TACR1: variants seen among roughly 807,000 people sequenced by gnomAD.
TACR1 encodes the protein tachykinin receptor 1, also known as substance-P receptor.
Under a neutral mutation model 35.8 loss-of-function variants are expected in TACR1, and 25 were observed. The ratio of observed to expected loss-of-function variants is 0.70; its 90% CI spans 0.51 to 0.98. TACR1 has a LOEUF of 0.98. Ranked by LOEUF, TACR1 falls within the 50% of genes least tolerant of loss-of-function variation. TACR1 has a pLI of 0.00. For missense variants in TACR1, 478 were observed against 522.9 expected (o/e 0.91, Z 0.84); for synonymous variants, 195 against 206.7 (o/e 0.94, Z 0.48).
intron 1 of TACR1, among the ~76,000 whole-genome samples, chr2:75,167,327 A>G (rs944309300): frequency 5.3e-5 from 8 of 152,236 alleles, no homozygotes; most frequent in Non-Finnish European, 5.9e-5. Context: ...AATGGGCCCA[A>G]TAGATCAGAA....
chr2:75,146,080 A>G (rs1674504901), intron 1 of TACR1, among the ~76,000 whole-genome samples: 1 of 152,210 alleles, frequency 6.6e-6, no homozygotes, highest in Non-Finnish European at 1.5e-5. Flanking sequence ...TATAAGACAT[A>G]GGAGGAAGGC....
rs527721289 is a variant in TACR1 at position 75,158,909 on chromosome 2, C to T, written c.390-38141G>A. 5.3e-5 allele frequency among the ~76,000 whole-genome samples: 8 copies of T among 152,292 alleles called. No individual in the cohort carries two copies. The South Asian group carries it at 1.2e-3, about 24-fold the overall frequency. ...AGCTTCCAGCAAGTTATCTCAACCT[C>T]GAGCATCTGCTTCTTCATCTGTAAA... On this transcript the variant is annotated intron_variant, in intron 1 of 4. Coordinates refer to ENST00000305249, the MANE Select transcript of TACR1 (RefSeq NM_001058.4).
At chr2:75,158,522 G>A (rs3771841) in intron 1 of TACR1, among the ~76,000 whole-genome samples, 16,511 of 152,216 alleles carry the variant, frequency 0.11, 1,131 homozygotes, top group Admixed American at 0.21. Flanking sequence ...CTCAGGCAAA[G>A]TTCTAACCTT....
chr2:75,065,751 A>G (rs1460751494), intron 2 of TACR1, among the ~76,000 whole-genome samples: 1 of 152,226 alleles, frequency 6.6e-6, no homozygotes. Flanking sequence ...AATTGGTGCC[A>G]ACGGATATGA....
At chr2:75,059,099 G>A (rs987088367) in intron 2 of TACR1, among the ~76,000 whole-genome samples, 11 of 152,150 alleles carry the variant, frequency 7.2e-5, no homozygotes, top group Admixed American at 2.6e-4. Flanking sequence ...TTGTTTCGGG[G>A]TGGGTGGGTA....
chr2:75,190,345 G>A (rs1675812124), intron 1 of TACR1, among the ~76,000 whole-genome samples: 1 of 152,202 alleles, frequency 6.6e-6, no homozygotes, highest in South Asian at 2.1e-4. Context: ...CCAAATGATG[G>A]ACTACTGGTA....
At chr2:75,128,522 T>C (rs1018434116) in intron 1 of TACR1, among the ~76,000 whole-genome samples, 10 of 152,308 alleles carry the variant, frequency 6.6e-5, no homozygotes, top group South Asian at 2.1e-4. Context: ...ACAGTAAGCA[T>C]TGGGAATGAG....
At chr2:75,137,752 A>G (rs1301935074) in intron 1 of TACR1, among the ~76,000 whole-genome samples, 3 of 151,106 alleles carry the variant, frequency 2.0e-5, no homozygotes, top group African/African-American at 4.9e-5. Flanking sequence ...AAAAAAAAAA[A>G]AAAAGAAAAA....
At chr2:75,122,712 AT>A (rs1228266208) in intron 1 of TACR1, among the ~76,000 whole-genome samples, 1 of 152,230 alleles carries the variant, frequency 6.6e-6, no homozygotes. Context: ...TGTTGATACT[AT>A]AAAGCCTATC....
chr2:75,174,521 G>A (rs1353171166), intron 1 of TACR1, among the ~76,000 whole-genome samples: 1 of 152,162 alleles, frequency 6.6e-6, no homozygotes, highest in African/African-American at 2.4e-5. Context: ...AAAATGGTGT[G>A]CAAAGTAAAA....
intron 1 of TACR1, among the ~76,000 whole-genome samples, chr2:75,125,906 A>G (rs1409010020): frequency 6.6e-6 from 1 of 152,108 alleles, no homozygotes; most frequent in African/African-American, 2.4e-5. Context: ...ACTGTGCAGG[A>G]TTCAGTCTTT....
At chr2:75,129,156 T>C (rs1004585673) in intron 1 of TACR1, among the ~76,000 whole-genome samples, 4 of 152,210 alleles carry the variant, frequency 2.6e-5, no homozygotes, top group Admixed American at 6.5e-5. Flanking sequence ...GAAAGGGGAA[T>C]TGCACTGATT....
chr2:75,087,810 G>A (rs528342687), intron 2 of TACR1, among the ~76,000 whole-genome samples: 74 of 152,316 alleles, frequency 4.9e-4, no homozygotes, highest in African/African-American at 1.8e-3. Flanking sequence ...TTTTGATATT[G>A]AGACTTAAAC....
intron 1 of TACR1, among the ~76,000 whole-genome samples, chr2:75,158,608 A>G (rs1193146458): frequency 3.3e-5 from 5 of 152,314 alleles, no homozygotes; most frequent in Non-Finnish European, 4.4e-5. Flanking sequence ...TATTTTCATC[A>G]ATTAATTTTT....
chr2:75,120,154 C>A (rs1269160877), intron 2 of TACR1, among the ~76,000 whole-genome samples: 1 of 152,150 alleles, frequency 6.6e-6, no homozygotes, highest in East Asian at 1.9e-4. Flanking sequence ...AGAGCAGCCC[C>A]TCAATCATTG....
intron 1 of TACR1, among the ~76,000 whole-genome samples, chr2:75,155,187 C>T (rs1674815476): frequency 6.6e-6 from 1 of 152,206 alleles, no homozygotes; most frequent in South Asian, 2.1e-4. Context: ...TCAAGCCTTC[C>T]AGGACCCTCT....
intron 1 of TACR1, among the ~76,000 whole-genome samples, chr2:75,181,835 G>A (rs1000291027): frequency 6.6e-6 from 1 of 152,170 alleles, no homozygotes; most frequent in Non-Finnish European, 1.5e-5. Flanking sequence ...TTTCATAAAT[G>A]CAGTTAACTT....
chr2:75,194,639 G>A (rs1053325210), intron 1 of TACR1, among the ~76,000 whole-genome samples: 2 of 152,086 alleles, frequency 1.3e-5, no homozygotes, highest in Non-Finnish European at 2.9e-5. Context: ...TTTGTTCTAG[G>A]TTCCTCTTTT....
intron 1 of TACR1, among the ~76,000 whole-genome samples, chr2:75,153,564 C>T (rs968690481): frequency 2.0e-5 from 3 of 152,162 alleles, no homozygotes; most frequent in Admixed American, 2.0e-4. Context: ...GATCTGATGA[C>T]CTAAGATTTG....
Sources: allele counts gnomAD v4.1 joint callset (sites outside exome capture counted in the v4.1 genomes callset), GRCh38; gene constraint gnomAD v4.1.1; transcripts MANE v1.5; gene names NCBI Gene and HGNC (gene_info 2026-07-23, HGNC 2026-07-21).